ULK4: variants seen among roughly 807,000 people sequenced by gnomAD.
ULK4 encodes the protein unc-51 like kinase 4.
Under a neutral mutation model 160.6 loss-of-function variants are expected in ULK4, and 133 were observed. The observed-to-expected ratio is 0.83, with a 90% CI of 0.72 to 0.96. ULK4 has a LOEUF of 0.96. Ranked by LOEUF, ULK4 falls within the 40% of genes least tolerant of loss-of-function variation. The pLI, the probability that ULK4 is intolerant of heterozygous loss-of-function variation, is 0.00. For synonymous variants in ULK4, 534 were observed against 539.8 expected, an observed-to-expected ratio of 0.99 and a Z score of 0.15; for missense variants, 1,580 against 1,499.5, an observed-to-expected ratio of 1.05 and a Z score of -0.89.
chr3:41,899,395 A>C (rs1187784196), intron 13 of ULK4: 3 of 152,244 alleles, frequency 2.0e-5, no homozygotes, highest in Non-Finnish European at 2.9e-5. Flanking sequence ...AAAGTAGTTT[A>C]AAATTAAAAG....
intron 32 of ULK4, among the ~76,000 whole-genome samples, chr3:41,510,535 A>G (rs1204519316): frequency 6.6e-6 from 1 of 152,230 alleles, no homozygotes; most frequent in African/African-American, 2.4e-5. Flanking sequence ...TATACATTCT[A>G]TTCATCAGTA....
At position 41,423,706 on chromosome 3, in the gene ULK4, G is replaced by A. The variant is rs143428501; in HGVS notation, c.3493-25442C>T. ...AGGTTCTCTCACTGGGACTGACTAC[G>A]CGGTTGTCTTGACCCATGGGGAGTG... On this transcript the variant is annotated intron_variant, in intron 34 of 36. Transcript: ENST00000301831. Among the ~76,000 whole-genome samples the A allele has an allele frequency of 3.9e-3, 597 of 152,034 alleles. 1 individual carries two copies. Among genetic ancestry groups the A allele is most frequent in the Middle Eastern group, 6.8e-3 (2 of 294 alleles).
At chr3:41,830,855 T>C (rs2041556218) in intron 18 of ULK4, among the ~76,000 whole-genome samples, 2 of 152,002 alleles carry the variant, frequency 1.3e-5, no homozygotes, top group South Asian at 2.1e-4. Flanking sequence ...CAAAACTTGT[T>C]AAGTTTGAGC....
At chr3:41,441,159 T>C (rs1456394094) in intron 34 of ULK4, among the ~76,000 whole-genome samples, 1 of 152,104 alleles carries the variant, frequency 6.6e-6, no homozygotes, top group Non-Finnish European at 1.5e-5. Context: ...TCTGTAATCT[T>C]TATTAGTCCC....
chr3:41,497,245 G>A (rs942236524), intron 32 of ULK4, among the ~76,000 whole-genome samples: 4 of 152,016 alleles, frequency 2.6e-5, no homozygotes, highest in Non-Finnish European at 5.9e-5. Flanking sequence ...TTCACTTGTT[G>A]GGATGAAGAG....
At chr3:41,738,707 T>C (rs1481408107) in intron 22 of ULK4, among the ~76,000 whole-genome samples, 3 of 152,000 alleles carry the variant, frequency 2.0e-5, no homozygotes, top group Admixed American at 6.5e-5. Flanking sequence ...AAACAAGTTA[T>C]TGCACCTTCT....
chr3:41,623,724 A>T (rs1255610863), intron 30 of ULK4, among the ~76,000 whole-genome samples: 2 of 152,216 alleles, frequency 1.3e-5, no homozygotes, highest in African/African-American at 4.8e-5. Context: ...AAAAGGAAAG[A>T]TATAAATCAA....
At chr3:41,786,201 C>A (rs1366273065) in intron 21 of ULK4, among the ~76,000 whole-genome samples, 1 of 152,182 alleles carries the variant, frequency 6.6e-6, no homozygotes, top group African/African-American at 2.4e-5. Flanking sequence ...CCTGTTAGGG[C>A]ATAAGCACTT....
chr3:41,814,519 T>C (rs1559573812), intron 19 of ULK4, among the ~76,000 whole-genome samples: 1 of 152,176 alleles, frequency 6.6e-6, no homozygotes, highest in Non-Finnish European at 1.5e-5. Flanking sequence ...AGCTTGTTAA[T>C]TTTCTAGGCA....
chr3:41,653,641 T>G (rs1263392715), intron 30 of ULK4, among the ~76,000 whole-genome samples: 3 of 152,238 alleles, frequency 2.0e-5, no homozygotes, highest in Non-Finnish European at 2.9e-5. Context: ...AGCAAACATT[T>G]TCTGAAAAGT....
intron 4 of ULK4, among the ~76,000 whole-genome samples, 194 bp from the exon 5 acceptor site, chr3:41,932,200 T>C (rs1699627744): frequency 6.6e-6 from 1 of 152,192 alleles, no homozygotes; most frequent in African/African-American, 2.4e-5. Context: ...AATAAAAAAT[T>C]AAATTGTTCA....
At chr3:41,583,511 T>C (rs2125633486) in intron 31 of ULK4, among the ~76,000 whole-genome samples, 1 of 152,322 alleles carries the variant, frequency 6.6e-6, no homozygotes, top group South Asian at 2.1e-4. Flanking sequence ...CATTATACTA[T>C]AATTATAGTC....
intron 35 of ULK4, among the ~76,000 whole-genome samples, chr3:41,310,520 A>G (rs9883031): frequency 0.29 from 44,860 of 152,072 alleles, 6,947 homozygotes; most frequent in Middle Eastern, 0.35. Flanking sequence ...AAAACGGAAG[A>G]AAAAGCTCAC....
intron 31 of ULK4, among the ~76,000 whole-genome samples, chr3:41,570,685 A>G (rs540910306): frequency 3.3e-5 from 5 of 152,230 alleles, no homozygotes; most frequent in Non-Finnish European, 7.3e-5. Flanking sequence ...TACTTTGCTC[A>G]TTCTGAAGCC....
chr3:41,329,232 TAAAC>T (rs1446047533), intron 35 of ULK4, among the ~76,000 whole-genome samples: 1 of 152,232 alleles, frequency 6.6e-6, no homozygotes, highest in African/African-American at 2.4e-5. Context: ...TACAAATTCT[TAAAC>T]AGAGTATGAT....
intron 32 of ULK4, among the ~76,000 whole-genome samples, chr3:41,563,156 T>C (rs9714219): frequency 0.13 from 19,224 of 152,208 alleles, 1,597 homozygotes; most frequent in Admixed American, 0.19. Context: ...GGATTGAAAA[T>C]TCTTTTCTTT....
chr3:41,895,626 C>G, intron 15 of ULK4, 62 bp from the exon 16 acceptor site: 1 of 1,028,160 alleles, frequency 9.7e-7, no homozygotes, highest in Non-Finnish European at 1.4e-6. Flanking sequence ...TCACAAAACA[C>G]AGAAAATGAC....
At chr3:41,732,482 T>C (rs973970697) in intron 22 of ULK4, among the ~76,000 whole-genome samples, 2 of 151,996 alleles carry the variant, frequency 1.3e-5, no homozygotes, top group African/African-American at 2.4e-5. Context: ...AATATTGGCA[T>C]AGATGTGAAG....
chr3:41,626,179 G>C (rs953275015), intron 30 of ULK4, among the ~76,000 whole-genome samples: 1 of 152,092 alleles, frequency 6.6e-6, no homozygotes, highest in Non-Finnish European at 1.5e-5. Context: ...CAATTACCAA[G>C]TTTGGAATAA....
Sources: gnomAD v4.1 joint callset for allele counts (sites outside exome capture counted in the v4.1 genomes callset) on GRCh38, gnomAD v4.1.1 for gene constraint, MANE v1.5 for transcripts, NCBI Gene and HGNC (gene_info 2026-07-23, HGNC 2026-07-21) for gene names.